Variants in FCHSD2 observed in about 807,000 individuals in gnomAD.
FCHSD2 encodes the protein FCH and double SH3 domains 2, also known as F-BAR and double SH3 domains protein 2.
FCHSD2 carries 38 observed loss-of-function variants against 108.1 expected under a neutral mutation model. The observed-to-expected ratio is 0.35, with a 90% CI of 0.27 to 0.46. FCHSD2 has a LOEUF of 0.46. Ranked by LOEUF, FCHSD2 falls within the 20% of genes least tolerant of loss-of-function variation. The probability of loss-of-function intolerance (pLI) is 1.00; values close to 1 mark genes in which losing one functional copy is unlikely to be tolerated. For missense variants in FCHSD2, 751 were observed against 897.8 expected (o/e 0.84, Z 2.09); for synonymous variants, 279 against 314.7 (o/e 0.89, Z 1.20).
chr11:72,943,113 T>C (rs1856454003), intron 8 of FCHSD2, among the ~76,000 whole-genome samples: 1 of 152,194 alleles, frequency 6.6e-6, no homozygotes, highest in African/African-American at 2.4e-5. Context: ...TTCCTTGGCC[T>C]CCTGAGTAGC....
At chr11:72,934,897 A>G (rs1008161203) in intron 8 of FCHSD2, among the ~76,000 whole-genome samples, 3 of 152,180 alleles carry the variant, frequency 2.0e-5, no homozygotes, top group Non-Finnish European at 4.4e-5. Context: ...TTGACCAGCA[A>G]TATGTTTTAA....
chr11:72,890,030 C>A, intron 10 of FCHSD2, 85 bp from the exon 11 acceptor site: 1 of 782,460 alleles, frequency 1.3e-6, no homozygotes. Context: ...AGAAGGCCTT[C>A]ACTTAATCAG....
At chr11:72,869,577 ATCCTTGC>A (rs1251970935) in intron 12 of FCHSD2, 1 of 151,086 alleles carries the variant, frequency 6.6e-6, no homozygotes, top group Admixed American at 6.6e-5. Flanking sequence ...TTTGTGTGTC[ATCCTTGC>A]ATAGGGGCCA....
chr11:73,040,371 G>A (rs527919105), intron 3 of FCHSD2, among the ~76,000 whole-genome samples: 37 of 152,210 alleles, frequency 2.4e-4, no homozygotes, highest in Admixed American at 1.2e-3. Flanking sequence ...TTTCATTAAG[G>A]GCACTATTAC....
chr11:73,003,815 A>G (rs1857678477), intron 4 of FCHSD2, among the ~76,000 whole-genome samples: 1 of 151,740 alleles, frequency 6.6e-6, no homozygotes, highest in South Asian at 2.1e-4. Context: ...GTGAAGGATA[A>G]GAAAAGTATC....
intron 3 of FCHSD2, among the ~76,000 whole-genome samples, chr11:73,030,168 C>T (rs1005511573): frequency 6.6e-6 from 1 of 152,134 alleles, no homozygotes; most frequent in Non-Finnish European, 1.5e-5. Flanking sequence ...CCCCACATAA[C>T]CCACAACTGA....
intron 2 of FCHSD2, among the ~76,000 whole-genome samples, chr11:73,134,997 G>C (rs1367228079): frequency 6.6e-6 from 1 of 151,984 alleles, no homozygotes; most frequent in Non-Finnish European, 1.5e-5. Context: ...AGGATTATAG[G>C]TGTGCGCCAC....
intron 12 of FCHSD2, among the ~76,000 whole-genome samples, chr11:72,875,603 C>T (rs892084662): frequency 2.0e-5 from 3 of 152,150 alleles, no homozygotes; most frequent in African/African-American, 7.2e-5. Flanking sequence ...TCCCAAAATG[C>T]TGGAATTAGA....
chr11:73,096,388 A>AG (rs1374940766), intron 2 of FCHSD2, among the ~76,000 whole-genome samples: 1 of 151,254 alleles, frequency 6.6e-6, no homozygotes, highest in Non-Finnish European at 1.5e-5. Context: ...AAAAAAAAAA[A>AG]AAAAAAAAAA....
chr11:72,861,760 T>A (rs1861581816), intron 13 of FCHSD2, among the ~76,000 whole-genome samples: 1 of 151,872 alleles, frequency 6.6e-6, no homozygotes, highest in South Asian at 2.1e-4. Context: ...AGAAACCCTA[T>A]CTCTACTAAA....
intron 4 of FCHSD2, among the ~76,000 whole-genome samples, chr11:73,009,680 T>C (rs1857819681): frequency 6.6e-6 from 1 of 151,888 alleles, no homozygotes; most frequent in South Asian, 2.1e-4. Context: ...GTACCCTTGG[T>C]TGGTAGTTTT....
intron 2 of FCHSD2, among the ~76,000 whole-genome samples, chr11:73,092,683 C>A (rs571576486): frequency 2.0e-5 from 3 of 152,278 alleles, no homozygotes; most frequent in African/African-American, 7.2e-5. Context: ...AGGTTAGCTC[C>A]TGAGACACAC....
chr11:73,124,109 A>T (rs1216105976), intron 2 of FCHSD2, among the ~76,000 whole-genome samples: 1 of 152,174 alleles, frequency 6.6e-6, no homozygotes, highest in Non-Finnish European at 1.5e-5. Context: ...CGTCCTTTGT[A>T]GGGACATGGA....
chr11:73,105,233 T>G (rs892783263), intron 2 of FCHSD2, among the ~76,000 whole-genome samples: 1 of 152,210 alleles, frequency 6.6e-6, no homozygotes, highest in African/African-American at 2.4e-5. Context: ...CAATTTCATC[T>G]AAGACTCTTT....
At chr11:73,050,744 A>G (rs1445014366) in intron 3 of FCHSD2, among the ~76,000 whole-genome samples, 2 of 152,210 alleles carry the variant, frequency 1.3e-5, no homozygotes, top group African/African-American at 2.4e-5. Context: ...ATTCACTAAC[A>G]TGAGGAAAAA....
chr11:72,845,343 T>A (rs1204485471), intron 14 of FCHSD2, among the ~76,000 whole-genome samples: 3 of 146,698 alleles, frequency 2.0e-5, no homozygotes, highest in Admixed American at 7.0e-5. Context: ...ATCACTTGAA[T>A]CAGGGAGGCA....
At chr11:73,026,259 T>A (rs1179413550) in intron 3 of FCHSD2, among the ~76,000 whole-genome samples, 1 of 152,166 alleles carries the variant, frequency 6.6e-6, no homozygotes, top group African/African-American at 2.4e-5. Flanking sequence ...GTTACAGGCA[T>A]AAGCCACCGT....
chr11:73,034,585 A>G (rs1858443156), intron 3 of FCHSD2, among the ~76,000 whole-genome samples: 2 of 152,234 alleles, frequency 1.3e-5, no homozygotes, highest in African/African-American at 2.4e-5. Context: ...AATAAAACAC[A>G]ATACTCAGAA....
intron 3 of FCHSD2, among the ~76,000 whole-genome samples, chr11:73,071,334 TC>T (rs1366792636): frequency 6.6e-6 from 1 of 152,116 alleles, no homozygotes; most frequent in Non-Finnish European, 1.5e-5. Flanking sequence ...AAGCATGATT[TC>T]CAACCCCACC....
Sources: allele counts gnomAD v4.1 joint callset (sites outside exome capture counted in the v4.1 genomes callset), GRCh38; gene constraint gnomAD v4.1.1; transcripts MANE v1.5; gene names NCBI Gene and HGNC (gene_info 2026-07-23, HGNC 2026-07-21).